Variants in ITGAE observed in about 807,000 individuals in gnomAD.
ITGAE encodes the protein integrin subunit alpha E, also known as integrin alpha-E.
Under a neutral mutation model 136.5 loss-of-function variants are expected in ITGAE, and 99 were observed. The ratio of observed to expected loss-of-function variants is 0.73; its 90% confidence interval spans 0.62 to 0.86. The LOEUF is 0.86. Ranked by LOEUF, ITGAE falls within the 40% of genes least tolerant of loss-of-function variation. The pLI is 0.00. For missense variants in ITGAE, 1,447 were observed against 1,515.3 expected, an observed-to-expected ratio of 0.95 and a Z score of 0.75; for synonymous variants, 613 against 591.8, an observed-to-expected ratio of 1.04 and a Z score of -0.52.
chr17:3,745,647 T>G, intron 18 of ITGAE, 117 bp downstream of exon 18: 1 of 1,051,694 alleles, frequency 9.5e-7, no homozygotes, highest in Non-Finnish European at 1.4e-6. Flanking sequence ...TGGCCTGTTA[T>G]GATTATTTTA....
In ITGAE at chr17:3,794,762, G is replaced by T. The variant is rs561096634; in HGVS notation, c.34+6349C>A. The stretch of plus-strand genomic sequence containing the variant: ...AGTCACTCTGGGGAAAAAACAGGAC[G>T]TCAGCAAACTGCCTAGAGGAGAATT... On this transcript the variant is annotated intron_variant, in intron 1 of 30. Transcript: ENST00000263087. Among the ~76,000 whole-genome samples the T allele has an allele frequency of 2.0e-5, 3 of 152,108 alleles. No homozygotes were observed. The East Asian group carries it at 5.8e-4, about 29-fold the overall frequency.
chr17:3,738,164 T>A (rs2051502256), intron 20 of ITGAE, among the ~76,000 whole-genome samples: 1 of 152,060 alleles, frequency 6.6e-6, no homozygotes, highest in African/African-American at 2.4e-5. Context: ...GTTTGTTTTG[T>A]TTTGTTACCC....
intron 30 of ITGAE, among the ~76,000 whole-genome samples, chr17:3,715,252 A>C (rs2050920669): frequency 6.6e-6 from 1 of 152,218 alleles, no homozygotes; most frequent in African/African-American, 2.4e-5. Flanking sequence ...TATTTATGCA[A>C]AAATACTCAG....
chr17:3,751,918 G>A, intron 14 of ITGAE, 44 bp from the exon 15 acceptor site: 1 of 1,533,664 alleles, frequency 6.5e-7, no homozygotes, highest in Non-Finnish European at 9.0e-7. Context: ...AGGGGTGCTA[G>A]GTGCCCACTC....
chr17:3,753,321 CCTT>C lies in ITGAE; in HGVS notation c.1634_1636del (p.Glu545del), dbSNP rs1321833552. On this transcript the variant is annotated inframe_deletion, in exon 14 of 31. Transcript: ENST00000263087. ...GCTGAGACGGTACACGTAGACTCTG[CCTT>C]CTTCTCCATGAACGTGGTAAAATGG... 4.3e-6 allele frequency: 7 copies of C among 1,614,154 alleles called. No homozygotes were observed. Among genetic ancestry groups the C allele is most frequent in the Non-Finnish European group, 5.9e-6 (7 of 1,180,024 alleles).
chr17:3,731,949 G>A (rs536656276), intron 22 of ITGAE, among the ~76,000 whole-genome samples: 9 of 151,916 alleles, frequency 5.9e-5, no homozygotes, highest in Admixed American at 3.9e-4. Flanking sequence ...AGTGCTGCAC[G>A]CCTGTAATCC....
intron 20 of ITGAE, among the ~76,000 whole-genome samples, chr17:3,736,407 C>G (rs2051460783): frequency 6.6e-6 from 1 of 152,162 alleles, no homozygotes; most frequent in Admixed American, 6.6e-5. Context: ...TTTCTACCAC[C>G]AATTCACTGT....
intron 20 of ITGAE, among the ~76,000 whole-genome samples, chr17:3,735,836 C>T (rs751000316): frequency 6.6e-6 from 1 of 152,136 alleles, no homozygotes; most frequent in Non-Finnish European, 1.5e-5. Context: ...AGTACAGCTA[C>T]TCTCCATTTT....
intron 26 of ITGAE, chr17:3,726,130 G>A (rs759855867): frequency 6.2e-6 from 10 of 1,614,142 alleles, no homozygotes; most frequent in Admixed American, 3.3e-5. Flanking sequence ...AATAACAACC[G>A]CTGGGGTGAA....
intron 2 of ITGAE, among the ~76,000 whole-genome samples, chr17:3,767,091 C>CTT (rs774955924): frequency 7.0e-6 from 1 of 142,468 alleles, no homozygotes; most frequent in Non-Finnish European, 1.5e-5. Context: ...TCTCCAAATT[C>CTT]TTTTTTTTTT....
At chr17:3,761,321 CT>C in intron 5 of ITGAE, 81 bp downstream of exon 5, 18 of 1,539,612 alleles carry the variant, frequency 1.2e-5, no homozygotes, top group Non-Finnish European at 1.6e-5. Context: ...CCCACTGCAT[CT>C]GCCGTGAGCT....
At chr17:3,759,368 T>C in intron 8 of ITGAE, 34 bp downstream of exon 8, 1 of 1,602,268 alleles carries the variant, frequency 6.2e-7, no homozygotes, top group East Asian at 2.2e-5. Context: ...ACTCTGGGCA[T>C]GGCCAGAATA....
At chr17:3,729,437 CGA>C in intron 24 of ITGAE, 39 bp downstream of exon 24, 1 of 1,276,662 alleles carries the variant, frequency 7.8e-7, no homozygotes, top group South Asian at 1.2e-5. Flanking sequence ...GCCCCCTGGG[CGA>C]TGGAGTCACA....
At chr17:3,779,270 T>C (rs1421518664) in intron 1 of ITGAE, among the ~76,000 whole-genome samples, 1 of 152,196 alleles carries the variant, frequency 6.6e-6, no homozygotes, top group East Asian at 1.9e-4. Flanking sequence ...ATTTTGTTGA[T>C]ATGTATGCTG....
In ITGAE at chr17:3,756,970, C is replaced by G. The variant is rs1365501107; in HGVS notation, c.1171+14G>C. Reference sequence around the variant, plus strand: ...TCGGGCCTCCTGCGGTGGCCTGGGTCCCGGAGCCCTCACCTTCCATGCTGA... The same window carrying G: ...TCGGGCCTCCTGCGGTGGCCTGGGTGCCGGAGCCCTCACCTTCCATGCTGA... On this transcript the variant is annotated intron_variant, in intron 10 of 30. Coordinates refer to ENST00000263087, the MANE Select transcript of ITGAE (RefSeq NM_002208.5). The G allele has an allele frequency of 6.2e-7, 1 of 1,606,366 alleles. No individual in the cohort carries two copies. The highest frequency in any genetic ancestry group is 8.5e-7 in the Non-Finnish European group (1 of 1,176,124).
At chr17:3,741,667 C>T (rs2051591783) in intron 19 of ITGAE, among the ~76,000 whole-genome samples, 1 of 152,160 alleles carries the variant, frequency 6.6e-6, no homozygotes, top group Non-Finnish European at 1.5e-5. Flanking sequence ...TAAAATGAGA[C>T]GTGCTTATTA....
At chr17:3,726,401 T>A in intron 26 of ITGAE, 1 of 1,103,468 alleles carries the variant, frequency 9.1e-7, no homozygotes, top group Non-Finnish European at 1.3e-6. Flanking sequence ...TGTTTCAACC[T>A]CCATCCCCAC....
chr17:3,791,061 A>T (rs1177151509), intron 1 of ITGAE, among the ~76,000 whole-genome samples: 1 of 150,720 alleles, frequency 6.6e-6, no homozygotes, highest in Non-Finnish European at 1.5e-5. Context: ...AGGCTGAGGC[A>T]GGAGAATGGC....
intron 2 of ITGAE, among the ~76,000 whole-genome samples, chr17:3,774,730 A>G (rs982202890): frequency 1.2e-4 from 19 of 152,100 alleles, no homozygotes; most frequent in African/African-American, 4.3e-4. Flanking sequence ...ACACCACTGC[A>G]CTCCAGCCTG....
Sources: gnomAD v4.1 joint callset for allele counts (sites outside exome capture counted in the v4.1 genomes callset) on GRCh38, gnomAD v4.1.1 for gene constraint, MANE v1.5 for transcripts, NCBI Gene and HGNC (gene_info 2026-07-23, HGNC 2026-07-21) for gene names.